The following NHSL2 variants were observed in gnomAD, a reference collection of about 807,000 sequenced individuals.
NHSL2 encodes the protein NHS-like protein 2.
NHSL2 carries 27 observed loss-of-function variants against 53.4 expected under a neutral mutation model. That is an observed-to-expected ratio of 0.51 (90% CI 0.37 to 0.70). The LOEUF (loss-of-function observed/expected upper bound fraction) is 0.70. NHSL2 is among the 30% of genes least tolerant of loss of function. NHSL2 has a pLI of 0.00. For missense variants in NHSL2, 892 were observed against 980.1 expected (o/e 0.91, Z 1.20); for synonymous variants, 408 against 404.1 (o/e 1.01, Z -0.12).
At position 71,911,249 on chromosome X, in the gene NHSL2, C is replaced by T. The variant is rs1245626738; in HGVS notation, c.162C>T (p.Leu54=). The T allele has an allele frequency of 1.7e-6, 2 of 1,145,832 alleles. No individual in the cohort carries two copies. Among genetic ancestry groups the T allele is most frequent in the African/African-American group, 3.6e-5 (2 of 55,308 alleles). The allele number at this position is 1,145,832 out of a possible 1,213,427, so 94.4% of individuals were successfully genotyped here. ...CGHSLALLED[L]EGHLLALGRR... ...ACTCGTTGGCTCTGCTCGAGGACCT[C>T]GAGGGGCACCTGCTGGCCCTGGGGC... is the stretch of plus-strand genomic sequence containing the variant. The change falls in exon 1 of 8, where the codon CTC becomes CTT. Residue 54 remains leucine, a synonymous_variant. Transcript: ENST00000633930.
intron 1 of NHSL2, among the ~76,000 whole-genome samples, chrX:72,063,258 C>T (rs969467370): frequency 5.3e-5 from 6 of 112,495 alleles, no homozygotes; most frequent in Non-Finnish European, 9.4e-5. Context: ...TTCTATGTAA[C>T]TAATCCCCGT....
intron 6 of NHSL2, chrX:72,141,042 CT>C (rs2147529671): frequency 3.8e-6 from 1 of 266,357 alleles, no homozygotes; most frequent in East Asian, 7.8e-5. Context: ...TGAAATCAAA[CT>C]AGGTTCTAGC....
Position 72,138,555 on chromosome X carries a change from G to C in NHSL2, c.1007G>C (p.Arg336Pro). Residue 336 changes from arginine (R) to proline (P), a missense_variant, in exon 6 of 8, where the codon CGG becomes CCG. Arg to Pro is a moderately radical substitution (Grantham distance 103, BLOSUM62 -2). Coordinates refer to ENST00000633930, the MANE Select transcript of NHSL2 (RefSeq NM_001013627.3). The stretch of plus-strand genomic sequence containing the variant: ...AGAGTTGCAGTTGGTCAGGATGCTC[G>C]GTTCCCAAGTCTCACCTCGCCAGTA... ...HGRVAVGQDA[R>P]FPSLTSPVLR... 4 of 1,167,372 alleles carry C rather than the reference G, an allele frequency of 3.4e-6. No homozygotes were observed. The highest frequency in any genetic ancestry group is 4.6e-6 in the Non-Finnish European group (4 of 872,642).
At chrX:71,996,369 G>A (rs1273068525) in intron 1 of NHSL2, among the ~76,000 whole-genome samples, 1 of 112,744 alleles carries the variant, frequency 8.9e-6, no homozygotes, top group East Asian at 2.8e-4. Context: ...ATTCAGCCAG[G>A]CCAGCTGTGC....
At chrX:72,042,376 C>T (rs1051538638) in intron 1 of NHSL2, among the ~76,000 whole-genome samples, 4 of 112,269 alleles carry the variant, frequency 3.6e-5, no homozygotes, top group African/African-American at 6.5e-5. Flanking sequence ...GCTACCTCTG[C>T]GAGAGATTGG....
chrX:71,919,767 A>AT (rs2041647654), intron 1 of NHSL2, among the ~76,000 whole-genome samples: 1 of 111,329 alleles, frequency 9.0e-6, no homozygotes, highest in Non-Finnish European at 1.9e-5. Context: ...GTTTATTGTC[A>AT]CAGAGAATAT....
Position 72,151,969 on chromosome X carries a change from G to C in NHSL2, c.*8395G>C, listed in dbSNP as rs1007673081. ...TAGACAGAGCACTCAGCCTTAGCAAGAAAACCAATGAGGTGCAGAAGATAT... is the reference window on the plus strand; with the variant it reads ...TAGACAGAGCACTCAGCCTTAGCAACAAAACCAATGAGGTGCAGAAGATAT... On this transcript the variant is annotated 3_prime_UTR_variant, in exon 8 of 8. Transcript: ENST00000633930. 13 of 112,682 alleles carry C rather than the reference G, an allele frequency of 1.2e-4. No homozygotes were observed. Among genetic ancestry groups the C allele is most frequent in the Admixed American group, 4.7e-4 (5 of 10,660 alleles). 9.3% of individuals were successfully genotyped at this position (112,682 alleles called of 1,213,427 possible). A position where few individuals can be genotyped will look rare whatever the true frequency, so the allele number is the denominator to read the frequency against.
At chrX:71,993,882 T>A (rs897975287) in intron 1 of NHSL2, among the ~76,000 whole-genome samples, 2 of 108,142 alleles carry the variant, frequency 1.8e-5, no homozygotes, top group South Asian at 4.0e-4. Context: ...AAAAAAAAAA[T>A]ATATGGCCAA....
chrX:71,931,117 T>C (rs751297802), intron 1 of NHSL2, among the ~76,000 whole-genome samples: 1 of 112,564 alleles, frequency 8.9e-6, no homozygotes, highest in South Asian at 3.7e-4. Flanking sequence ...TGGTATCTCA[T>C]TGTGGACTAA....
At chrX:71,917,416 G>A (rs2041634109) in intron 1 of NHSL2, among the ~76,000 whole-genome samples, 1 of 110,132 alleles carries the variant, frequency 9.1e-6, no homozygotes. Context: ...CCAAAACAAT[G>A]CTTGGCACCT....
In NHSL2 at chrX:72,153,062, A is replaced by G. The variant is rs918504255; in HGVS notation, c.*9488A>G. On this transcript the variant is annotated 3_prime_UTR_variant, in exon 8 of 8. Coordinates refer to ENST00000633930, the MANE Select transcript of NHSL2 (RefSeq NM_001013627.3). ...CTGGGAATGTGTCCCTAACATTTCA[A>G]GAAGAAGCAGAAAGTAGGAGAGATC... The G allele has an allele frequency of 9.1e-6, 1 of 110,120 alleles. No homozygotes were observed. The highest frequency in any genetic ancestry group is 1.9e-5 in the Non-Finnish European group (1 of 53,250). The allele number at this position is 110,120 out of a possible 1,213,427, so 9.1% of individuals were successfully genotyped here.
chrX:72,129,822 C>A lies in NHSL2; in HGVS notation c.281-2257C>A, dbSNP rs1436469150. The A allele has an allele frequency of 1.4e-5, 16 of 1,182,513 alleles. 1 individual carries two copies. The East Asian group carries it at 4.8e-4, about 35-fold the overall frequency. ...GGGTGTGTTCTGGGTGGCCATCTGG[C>A]CCCAGCACTCAAACTCGAATTCGGC... On this transcript the variant is annotated intron_variant, in intron 1 of 7. Transcript: ENST00000633930.
At position 72,148,712 on chromosome X, in the gene NHSL2, A is replaced by T. The variant is rs921765647; in HGVS notation, c.*5138A>T. 9.0e-6 allele frequency: 1 copy of T among 111,544 alleles called. No homozygotes were observed. Among genetic ancestry groups the T allele is most frequent in the African/African-American group, 3.3e-5 (1 of 30,629 alleles). The allele number at this position is 111,544 out of a possible 1,213,427, so 9.2% of individuals were successfully genotyped here. A position where few individuals can be genotyped will look rare whatever the true frequency, so the allele number is the denominator to read the frequency against. ...AAGAAATTTGCATGAGTAATGAGCA[A>T]TGTGAAATGGGCATTATACTTTTGT... On this transcript the variant is annotated 3_prime_UTR_variant, in exon 8 of 8. Transcript: ENST00000633930.
At chrX:71,974,044 A>C (rs2041937915) in intron 1 of NHSL2, among the ~76,000 whole-genome samples, 1 of 111,879 alleles carries the variant, frequency 8.9e-6, no homozygotes, top group African/African-American at 3.3e-5. Context: ...TATTTAGTAG[A>C]TTTTCTTGAA....
intron 1 of NHSL2, among the ~76,000 whole-genome samples, chrX:72,086,851 G>T (rs1015230424): frequency 2.7e-5 from 3 of 111,059 alleles, no homozygotes; most frequent in African/African-American, 9.8e-5. Context: ...AGATACGAGA[G>T]TTAAACATAG....
chrX:71,948,281 T>C (rs1353213381), intron 1 of NHSL2, among the ~76,000 whole-genome samples: 1 of 111,420 alleles, frequency 9.0e-6, no homozygotes, highest in Non-Finnish European at 1.9e-5. Flanking sequence ...CCTGTGTGGC[T>C]TTGGGCAAGC....
intron 1 of NHSL2, among the ~76,000 whole-genome samples, chrX:72,002,370 T>G (rs1331298789): frequency 1.8e-5 from 2 of 112,892 alleles, no homozygotes; most frequent in South Asian, 3.6e-4. Flanking sequence ...TTATTTTGCT[T>G]CTTTTATGCT....
At chrX:71,912,379 C>T (rs1487600709) in intron 1 of NHSL2, among the ~76,000 whole-genome samples, 2 of 112,638 alleles carry the variant, frequency 1.8e-5, no homozygotes, top group African/African-American at 6.4e-5. Flanking sequence ...TCGGTTCCTC[C>T]AGAAAGCTGG....
In NHSL2 at chrX:72,132,119, C is replaced by T; in HGVS notation, c.321C>T (p.Ala107=). 8.6e-7 allele frequency: 1 copy of T among 1,166,864 alleles called. No individual in the cohort carries two copies. Among genetic ancestry groups the T allele is most frequent in the South Asian group, 1.9e-5 (1 of 52,618 alleles). Residue 107 remains alanine (A), a synonymous_variant, in exon 2 of 8, where the codon GCC becomes GCT. Transcript: ENST00000633930. The stretch of plus-strand genomic sequence containing the variant: ...GTCGGGAAAATGCGACAGCGACTGC[C>T]CACTCGAGGTCGTCATGGCGACAGC... The part of the protein sequence containing the change: ...NSGRENATAT[A]HSRSSWRQPV...
Sources: allele counts gnomAD v4.1 joint callset (sites outside exome capture counted in the v4.1 genomes callset), GRCh38; gene constraint gnomAD v4.1.1; transcripts MANE v1.5; gene names NCBI Gene and HGNC (gene_info 2026-07-23, HGNC 2026-07-21).